Variants in ARHGAP8 observed in about 807,000 individuals in gnomAD.
ARHGAP8 encodes the protein rho GTPase-activating protein 8.
ARHGAP8 carries 62 observed loss-of-function variants against 46.1 expected under a neutral mutation model. That is an observed-to-expected ratio of 1.34 (90% confidence interval 1.10 to 1.66). The LOEUF is 1.66. ARHGAP8 is among the 40% of genes most tolerant of loss of function. ARHGAP8 has a pLI of 0.00. For missense variants in ARHGAP8, 923 were observed against 568.4 expected, an observed-to-expected ratio of 1.62 and a Z score of -6.34; for synonymous variants, 375 against 243.1, an observed-to-expected ratio of 1.54 and a Z score of -5.05.
At chr22:44,814,384 C>T (rs1602214604) in intron 4 of ARHGAP8, among the ~76,000 whole-genome samples, 3 of 152,292 alleles carry the variant, frequency 2.0e-5, no homozygotes, top group African/African-American at 4.8e-5. Context: ...GGATGTGCTC[C>T]AGCCACCCCC....
intron 9 of ARHGAP8, among the ~76,000 whole-genome samples, 153 bp downstream of exon 9, chr22:44,848,203 G>A (rs1023278628): frequency 3.9e-5 from 6 of 152,078 alleles, no homozygotes; most frequent in Admixed American, 6.5e-5. Flanking sequence ...AGGAGGCATC[G>A]AGGGGCCCAC....
Position 44,786,121 on chromosome 22 carries a change from C to T in ARHGAP8, c.-71-336C>T, listed in dbSNP as rs1378115942. 5.1e-5 allele frequency: 22 copies of T among 431,140 alleles called. No homozygotes were observed. In the East Asian group the frequency reaches 1.0e-3, roughly 20 times the overall value. 26.7% of individuals were successfully genotyped at this position (431,140 alleles called of 1,614,324 possible). A position where few individuals can be genotyped will look rare whatever the true frequency, so the allele number is the denominator to read the frequency against. On this transcript the variant is annotated intron_variant, in intron 1 of 11. Transcript: ENST00000356099. ...ACCGAGGTAGAGTACACAGTGGGTG[C>T]ATGGCTGAGGTAGGTCGCATAGTGG...
At chr22:44,799,897 G>A (rs978570098) in intron 2 of ARHGAP8, among the ~76,000 whole-genome samples, 1 of 152,034 alleles carries the variant, frequency 6.6e-6, no homozygotes, top group Non-Finnish European at 1.5e-5. Flanking sequence ...GCATGCAGGG[G>A]GTCCTCTGTC....
At chr22:44,796,691 A>G (rs780832365) in intron 2 of ARHGAP8, among the ~76,000 whole-genome samples, 4 of 152,144 alleles carry the variant, frequency 2.6e-5, no homozygotes, top group Non-Finnish European at 5.9e-5. Flanking sequence ...GAAGTCACAG[A>G]CGCTCTGAGT....
chr22:44,812,128 A>C (rs535667569), intron 4 of ARHGAP8, among the ~76,000 whole-genome samples: 1 of 152,040 alleles, frequency 6.6e-6, no homozygotes, highest in African/African-American at 2.4e-5. Context: ...CTGCCAGGTC[A>C]TTCCTTTTAG....
At chr22:44,857,616 C>T (rs1220854617) in intron 10 of ARHGAP8, among the ~76,000 whole-genome samples, 1 of 152,088 alleles carries the variant, frequency 6.6e-6, no homozygotes, top group African/African-American at 2.4e-5. Context: ...GGGCAGGAAA[C>T]TAGGGGGACA....
At chr22:44,859,326 G>T (rs1290820451) in intron 10 of ARHGAP8, among the ~76,000 whole-genome samples, 2 of 151,868 alleles carry the variant, frequency 1.3e-5, no homozygotes, top group Non-Finnish European at 2.9e-5. Flanking sequence ...GTTCTTACCA[G>T]ATCTGGTTTA....
chr22:44,848,801 C>G, intron 9 of ARHGAP8, 131 bp from the exon 10 acceptor site: 1 of 1,516,298 alleles, frequency 6.6e-7, no homozygotes, highest in Admixed American at 1.9e-5. Context: ...AGCATCATCC[C>G]TAGGACACAT....
rs201465628 is a variant in ARHGAP8, at chr22:44,802,101, T to C, written c.104T>C (p.Val35Ala). 6.2e-5 allele frequency: 100 copies of C among 1,614,012 alleles called. No homozygotes were observed. Among genetic ancestry groups the C allele is most frequent in the Non-Finnish European group, 8.0e-5 (94 of 1,179,984 alleles). The change falls in exon 3 of 12, where the codon GTT becomes GCT. Residue 35 changes from valine (V) to alanine (A), a missense_variant. By Grantham distance (64) the Val-to-Ala change is moderately conservative (BLOSUM62 0). Coordinates refer to ENST00000356099, the MANE Select transcript of ARHGAP8 (RefSeq NM_181335.3). The part of the protein sequence containing the change: ...VAGDDRFGRR[V>A]VTFSCCRMPP... ...GGGGATGACCGCTTTGGAAGACGTG[T>C]TGTCACGTTCAGCTGCTGCCGGATG...
At chr22:44,788,786 AG>A (rs1387988680) in intron 2 of ARHGAP8, among the ~76,000 whole-genome samples, 2 of 152,244 alleles carry the variant, frequency 1.3e-5, no homozygotes, top group Non-Finnish European at 2.9e-5. Flanking sequence ...CCGCTTAAAA[AG>A]ATAAAGCTCT....
At chr22:44,855,645 A>C (rs562939183) in intron 10 of ARHGAP8, among the ~76,000 whole-genome samples, 1 of 152,114 alleles carries the variant, frequency 6.6e-6, no homozygotes, top group Non-Finnish European at 1.5e-5. Flanking sequence ...GTTGTTTTTA[A>C]CCAAAGGTGT....
chr22:44,769,179 G>C (rs1192645487), intron 1 of ARHGAP8, among the ~76,000 whole-genome samples: 1 of 152,172 alleles, frequency 6.6e-6, no homozygotes, highest in Non-Finnish European at 1.5e-5. Flanking sequence ...AGCAGCCCTG[G>C]GCTTTGGTGA....
chr22:44,798,267 C>T (rs1421861948), intron 2 of ARHGAP8, among the ~76,000 whole-genome samples: 17 of 152,012 alleles, frequency 1.1e-4, no homozygotes, highest in Admixed American at 1.0e-3. Flanking sequence ...TGAGCCACTG[C>T]ACCTGGCCAA....
chr22:44,808,925 C>T (rs1285610275), intron 4 of ARHGAP8: 1 of 370,446 alleles, frequency 2.7e-6, no homozygotes, highest in Non-Finnish European at 5.3e-6. Flanking sequence ...TCAAGCAGTC[C>T]TCTTGCCTCA....
At chr22:44,828,093 C>G (rs555006274) in intron 7 of ARHGAP8, among the ~76,000 whole-genome samples, 1 of 152,150 alleles carries the variant, frequency 6.6e-6, no homozygotes. Context: ...ACCGATTCAC[C>G]CTCGCCTTCC....
chr22:44,807,233 A>G (rs1055029758), intron 3 of ARHGAP8, among the ~76,000 whole-genome samples: 1 of 152,214 alleles, frequency 6.6e-6, no homozygotes, highest in Non-Finnish European at 1.5e-5. Context: ...GCTCAGTGTC[A>G]GGCCCTGCAG....
intron 1 of ARHGAP8, among the ~76,000 whole-genome samples, chr22:44,773,768 A>C (rs1926213150): frequency 6.6e-6 from 1 of 152,092 alleles, no homozygotes; most frequent in Non-Finnish European, 1.5e-5. Flanking sequence ...TTTTTAGTAG[A>C]GATAGGGTTT....
chr22:44,801,335 GA>G (rs1462415477), intron 2 of ARHGAP8, among the ~76,000 whole-genome samples: 16 of 81,960 alleles, frequency 2.0e-4, no homozygotes, highest in South Asian at 5.1e-4. Flanking sequence ...GTCTATGTGT[GA>G]GGGGCACCTC....
At chr22:44,786,162 C>T (rs965435882) in intron 1 of ARHGAP8, 11 of 509,798 alleles carry the variant, frequency 2.2e-5, no homozygotes, top group Non-Finnish European at 3.9e-5. Context: ...CGGCTGATGT[C>T]GAGTGCATAA....
Sources: allele counts gnomAD v4.1 joint callset (sites outside exome capture counted in the v4.1 genomes callset), GRCh38; gene constraint gnomAD v4.1.1; transcripts MANE v1.5; gene names NCBI Gene and HGNC (gene_info 2026-07-23, HGNC 2026-07-21).